The following NPY1R variants were observed in gnomAD, a reference collection of about 807,000 sequenced individuals.
The protein encoded by NPY1R is neuropeptide Y receptor type 1.
NPY1R carries 10 observed loss-of-function variants against 24.1 expected under a neutral mutation model. That is an observed-to-expected ratio of 0.42 (90% CI 0.26 to 0.71). NPY1R has a LOEUF of 0.71. Among genes scored for constraint, NPY1R ranks in the 30% least tolerant of loss-of-function variants. NPY1R has a pLI of 0.28. For synonymous variants in NPY1R, 168 were observed against 165.9 expected (o/e 1.01, Z -0.10); for missense variants, 350 against 458.0 (o/e 0.76, Z 2.15).
At chr4:163,338,426 G>T (rs1734896460) in intron 1 of NPY1R, among the ~76,000 whole-genome samples, 1 of 152,098 alleles carries the variant, frequency 6.6e-6, no homozygotes, top group Non-Finnish European at 1.5e-5. Flanking sequence ...CCAAACCACA[G>T]CTCCCTTCAG....
upstream of NPY1R, among the ~76,000 whole-genome samples, chr4:163,336,516 T>A (rs1280660816): frequency 6.6e-6 from 1 of 152,274 alleles, no homozygotes; most frequent in East Asian, 1.9e-4. Context: ...GTGACAAACA[T>A]CTCTACTTGG....
chr4:163,326,982 A>G (rs1247808609), intron 1 of NPY1R, among the ~76,000 whole-genome samples: 3 of 152,200 alleles, frequency 2.0e-5, no homozygotes. Context: ...GTCTTACATA[A>G]ACAGTAATAA....
chr4:163,341,649 G>T (rs1332155847), intron 1 of NPY1R, among the ~76,000 whole-genome samples: 3 of 152,116 alleles, frequency 2.0e-5, no homozygotes, highest in Non-Finnish European at 4.4e-5. Flanking sequence ...ATAATGAACT[G>T]TAATAACAGG....
At chr4:163,344,523 C>G (rs1313602845) in exon 1 of NPY1R, 1 of 152,230 alleles carries the variant, frequency 6.6e-6, no homozygotes, top group Non-Finnish European at 1.5e-5. Flanking sequence ...GGGGCGCAGC[C>G]CGCGGGGCGC....
At chr4:163,340,972 A>AT (rs1357559647) in intron 1 of NPY1R, among the ~76,000 whole-genome samples, 1 of 152,124 alleles carries the variant, frequency 6.6e-6, no homozygotes, top group African/African-American at 2.4e-5. Flanking sequence ...GTTTATCAGA[A>AT]GTCAATACAA....
chr4:163,336,611 T>C (rs988959927), upstream of NPY1R, among the ~76,000 whole-genome samples: 1 of 152,172 alleles, frequency 6.6e-6, no homozygotes, highest in African/African-American at 2.4e-5. Context: ...ATGGCCAATG[T>C]CAATAGATCA....
At position 163,341,711 on chromosome 4, in the gene NPY1R, A is replaced by G. The variant is rs558127512; in HGVS notation, c.-152+2594T>C. Among the ~76,000 whole-genome samples, 33 of 152,334 alleles carry G rather than the reference A, an allele frequency of 2.2e-4. No homozygotes were observed. In the East Asian group the frequency reaches 5.0e-3, roughly 23 times the overall value. On this transcript the variant is annotated intron_variant, in intron 1 of 1. Transcript: ENST00000511901. The stretch of plus-strand genomic sequence containing the variant: ...TGCATAAAATCCAACTTAATTTCCC[A>G]AATGAGCATTTTATAAATAGTGAGT...
intron 1 of NPY1R, among the ~76,000 whole-genome samples, chr4:163,329,098 C>T (rs1193163844): frequency 6.6e-6 from 1 of 152,094 alleles, no homozygotes; most frequent in Non-Finnish European, 1.5e-5. Flanking sequence ...AAATGTTACA[C>T]TTTATATAAA....
upstream of NPY1R, among the ~76,000 whole-genome samples, chr4:163,333,383 A>C (rs1450193523): frequency 3.3e-5 from 5 of 152,130 alleles, no homozygotes; most frequent in Non-Finnish European, 7.3e-5. Context: ...GTGCCCGATG[A>C]TTCAGGCCAA....
At chr4:163,336,663 C>T (rs1021321669), upstream of NPY1R, among the ~76,000 whole-genome samples, 2 of 152,112 alleles carry the variant, frequency 1.3e-5, no homozygotes, top group Non-Finnish European at 2.9e-5. Context: ...ATAATTTTTT[C>T]TAAAGAAAGG....
intron 1 of NPY1R, among the ~76,000 whole-genome samples, chr4:163,327,498 A>C (rs1734634965): frequency 6.6e-6 from 1 of 152,194 alleles, no homozygotes; most frequent in Non-Finnish European, 1.5e-5. Flanking sequence ...TTTGCCTGCA[A>C]ATCTAGCAAG....
chr4:163,324,104 A>G lies in NPY1R; in HGVS notation c.*1199T>C, dbSNP rs917306267. The G allele has an allele frequency of 6.6e-5, 10 of 152,638 alleles. No individual in the cohort carries two copies. The highest frequency in any genetic ancestry group is 2.4e-4 in the African/African-American group (10 of 41,462). 9.5% of individuals were successfully genotyped at this position (152,638 alleles called of 1,614,324 possible). ...TTTCTCCAAATGATTCTGAGGCTCA[A>G]TCATGATTACAAGATACATGAAATT... On this transcript the variant is annotated 3_prime_UTR_variant, in exon 3 of 3. Coordinates refer to ENST00000296533, the MANE Select transcript of NPY1R (RefSeq NM_000909.6).
At position 163,325,617 on chromosome 4, in the gene NPY1R, T is replaced by C; in HGVS notation, c.841A>G (p.Ile281Val). 1 of 1,612,890 alleles carries C rather than the reference T, an allele frequency of 6.2e-7. No homozygotes were observed. The highest frequency in any genetic ancestry group is 8.5e-7 in the Non-Finnish European group (1 of 1,179,962). Residue 281 changes from isoleucine (I) to valine (V), a missense_variant, in exon 3 of 3, where the codon ATC (isoleucine) becomes GTC (valine). Ile to Val is a conservative substitution (Grantham distance 29). Coordinates refer to ENST00000296533, the MANE Select transcript of NPY1R (RefSeq NM_000909.6). ...AFAVCWLPLT[I>V]FNTVFDWNHQ... ...TTCCAATCAAACACAGTGTTAAAGA[T>C]GGTAAGAGGGAGCCAGCAGACTGCA...
chr4:163,325,749 GTATA>G lies in NPY1R; in HGVS notation c.705_708del (p.Ile236AlafsTer2). The G allele has an allele frequency of 1.3e-6, 2 of 1,588,564 alleles. No individual in the cohort carries two copies. The highest frequency in any genetic ancestry group is 1.7e-6 in the Non-Finnish European group (2 of 1,166,994). ...ATCATGTTGTTTCTCCTTTTTAGGC[GTATA>G]TATATCTATGGAAGAAAAAAGTTTA... On this transcript the variant is annotated frameshift_variant, in exon 3 of 3. Coordinates refer to ENST00000296533, the MANE Select transcript of NPY1R (RefSeq NM_000909.6). LOFTEE classifies it high-confidence loss of function.
chr4:163,331,793 A>AT (rs553354215), intron 1 of NPY1R, among the ~76,000 whole-genome samples: 137 of 152,368 alleles, frequency 9.0e-4, no homozygotes, highest in African/African-American at 3.1e-3. Context: ...GAGTTCCCTG[A>AT]TTAGAACTCC....
upstream of NPY1R, among the ~76,000 whole-genome samples, chr4:163,335,805 C>T (rs1734828527): frequency 6.6e-6 from 1 of 151,850 alleles, no homozygotes; most frequent in South Asian, 2.1e-4. Context: ...ATTTTATGGA[C>T]CACCAAGAAA....
At chr4:163,337,399 T>C (rs1289116008), upstream of NPY1R, among the ~76,000 whole-genome samples, 1 of 152,224 alleles carries the variant, frequency 6.6e-6, no homozygotes, top group Non-Finnish European at 1.5e-5. Flanking sequence ...CCCAGCCTCC[T>C]ACCTCATACC....
chr4:163,332,102 G>C (rs765787038), intron 1 of NPY1R, among the ~76,000 whole-genome samples: 2 of 152,222 alleles, frequency 1.3e-5, no homozygotes, highest in African/African-American at 4.8e-5. Flanking sequence ...GCCAGCTCAA[G>C]ACACGTAAGG....
upstream of NPY1R, among the ~76,000 whole-genome samples, chr4:163,336,679 G>A (rs968772655): frequency 6.6e-6 from 1 of 152,226 alleles, no homozygotes; most frequent in Non-Finnish European, 1.5e-5. Context: ...AAAGGAGAAA[G>A]ACTGGGTGCA....
Sources: allele counts gnomAD v4.1 joint callset (sites outside exome capture counted in the v4.1 genomes callset), GRCh38; gene constraint gnomAD v4.1.1; transcripts MANE v1.5; gene names NCBI Gene and HGNC (gene_info 2026-07-23, HGNC 2026-07-21).